STXBP3: variants seen among roughly 807,000 people sequenced by gnomAD.
STXBP3 encodes the protein syntaxin binding protein 3, also known as syntaxin-binding protein 3.
Under a neutral mutation model 85.7 loss-of-function variants are expected in STXBP3, and 41 were observed. The ratio of observed to expected loss-of-function variants is 0.48; its 90% confidence interval spans 0.37 to 0.62. The LOEUF is 0.62. STXBP3 is among the 20% of genes least tolerant of loss of function. The probability of loss-of-function intolerance (pLI) is 0.00; values close to 1 mark genes in which losing one functional copy is unlikely to be tolerated. For synonymous variants in STXBP3, 229 were observed against 231.7 expected (o/e 0.99, Z 0.10); for missense variants, 563 against 703.1 (o/e 0.80, Z 2.25).
chr1:108,794,146 T>C (rs1149161), intron 12 of STXBP3, among the ~76,000 whole-genome samples: 1 of 152,050 alleles, frequency 6.6e-6, no homozygotes, highest in African/African-American at 2.4e-5. Flanking sequence ...GAAAGATAAA[T>C]AGAATATGAA....
chr1:108,797,729 A>ATG (rs1199733326), intron 15 of STXBP3, among the ~76,000 whole-genome samples: 6 of 145,960 alleles, frequency 4.1e-5, no homozygotes, highest in Admixed American at 6.9e-5. Flanking sequence ...TTTTGTGTGT[A>ATG]TGTGTGTGTG....
At chr1:108,775,154 A>G (rs755827195) in intron 7 of STXBP3, among the ~76,000 whole-genome samples, 9 of 152,100 alleles carry the variant, frequency 5.9e-5, no homozygotes, top group Non-Finnish European at 2.9e-5. Context: ...TATAGATGTT[A>G]CATTATTTAT....
rs1185783006 is a variant in STXBP3 at position 108,808,816 on chromosome 1, T to C, written c.1718T>C (p.Leu573Ser). Reference sequence around the variant, plus strand: ...CATGTTTTAACACCCAAAAAGCTGTTGGATGATATAAAGATGCTGAATAAA... The same window carrying C: ...CATGTTTTAACACCCAAAAAGCTGTCGGATGATATAAAGATGCTGAATAAA... ...STHVLTPKKL[L>S]DDIKMLNKPK... Residue 573 changes from leucine (L) to serine (S), a missense_variant, in exon 19 of 19, where the codon TTG (leucine) becomes TCG (serine). Leu to Ser is a moderately radical substitution (Grantham distance 145, BLOSUM62 -2). This residue lies in a region of STXBP3 where 494 missense variants were observed against 592.8 expected (regional missense o/e 0.83). Transcript: ENST00000370008. The C allele has an allele frequency of 1.2e-5, 20 of 1,613,224 alleles. No homozygotes were observed. Among genetic ancestry groups the C allele is most frequent in the Non-Finnish European group, 1.7e-5 (20 of 1,179,708 alleles).
rs57603184 is a variant in STXBP3, at chr1:108,757,584, A to AAT, written c.258+829_258+830dup. ...CTAGCAAATTGGCAGAGGGATTTAA[A>AAT]ATATATATATATGGGTATGTATGTG... On this transcript the variant is annotated intron_variant, in intron 4 of 18. Coordinates refer to ENST00000370008, the MANE Select transcript of STXBP3 (RefSeq NM_007269.4). Among the ~76,000 whole-genome samples the AAT allele has an allele frequency of 2.9e-3, 441 of 151,896 alleles. 3 individuals are homozygous for AAT. The highest frequency in any genetic ancestry group is 9.6e-3 in the African/African-American group (397 of 41,496).
intron 11 of STXBP3, 115 bp from the exon 12 acceptor site, chr1:108,793,467 A>C (rs546722768): frequency 1.1e-6 from 1 of 906,440 alleles, no homozygotes; most frequent in South Asian, 1.8e-5. Flanking sequence ...AAAAATTGTC[A>C]AATATTCAGT....
At chr1:108,808,706 A>G in intron 18 of STXBP3, 77 bp from the exon 19 acceptor site, 1 of 1,137,862 alleles carries the variant, frequency 8.8e-7, no homozygotes, top group South Asian at 1.3e-5. Context: ...ACATATTTGA[A>G]GGACAACACA....
In STXBP3 at chr1:108,807,387, A is replaced by G; in HGVS notation, c.1536-14A>G. 1.3e-6 allele frequency: 2 copies of G among 1,570,864 alleles called. No homozygotes were observed. The highest frequency in any genetic ancestry group is 8.6e-7 in the Non-Finnish European group (1 of 1,163,506). On this transcript the variant is annotated splice_polypyrimidine_tract_variant and intron_variant, in intron 17 of 18. Coordinates refer to ENST00000370008, the MANE Select transcript of STXBP3 (RefSeq NM_007269.4). The stretch of plus-strand genomic sequence containing the variant: ...ATAACATGTTTACTTTTTTTTTTTT[A>G]AATTACTTTTTAGTGCTCGCCAGAA...
chr1:108,749,240 T>C (rs763165025), intron 1 of STXBP3, among the ~76,000 whole-genome samples: 1 of 152,070 alleles, frequency 6.6e-6, no homozygotes, highest in Non-Finnish European at 1.5e-5. Context: ...ACAAAGACAA[T>C]GACTAAGAAA....
At chr1:108,807,317 G>A in intron 17 of STXBP3, 84 bp from the exon 18 acceptor site, 1 of 1,380,104 alleles carries the variant, frequency 7.2e-7, no homozygotes, top group Non-Finnish European at 9.7e-7. Context: ...GTTTGGTTGA[G>A]TTAGGCTTTT....
intron 6 of STXBP3, among the ~76,000 whole-genome samples, chr1:108,770,444 C>G (rs1054768230): frequency 1.7e-4 from 26 of 152,070 alleles, no homozygotes; most frequent in Non-Finnish European, 3.2e-4. Context: ...TATGAGGAAG[C>G]CACAGTTCAA....
chr1:108,763,251 A>G (rs1332646312), intron 6 of STXBP3, among the ~76,000 whole-genome samples: 2 of 152,220 alleles, frequency 1.3e-5, no homozygotes, highest in Non-Finnish European at 2.9e-5. Flanking sequence ...TTCAATATTT[A>G]AAAGAAAAAC....
rs542154048 is a variant in STXBP3 at position 108,809,249 on chromosome 1, T to C, written c.*372T>C. On this transcript the variant is annotated 3_prime_UTR_variant, in exon 19 of 19. Transcript: ENST00000370008. ...AAGTATAGTTTTTGGGAAAGAATGATTTTAAATAAAGAGATTGTAAAAGTA... is the reference window on the plus strand; with the variant it reads ...AAGTATAGTTTTTGGGAAAGAATGACTTTAAATAAAGAGATTGTAAAAGTA... The C allele has an allele frequency of 6.4e-6, 1 of 156,810 alleles. No individual in the cohort carries two copies. The highest frequency in any genetic ancestry group is 1.9e-4 in the East Asian group (1 of 5,270). 9.7% of individuals were successfully genotyped at this position (156,810 alleles called of 1,614,324 possible). A position where few individuals can be genotyped will look rare whatever the true frequency, so the allele number is the denominator to read the frequency against.
At chr1:108,790,839 T>C (rs959784873) in intron 11 of STXBP3, among the ~76,000 whole-genome samples, 6 of 152,142 alleles carry the variant, frequency 3.9e-5, no homozygotes, top group African/African-American at 9.7e-5. Flanking sequence ...TTATCCCCTT[T>C]CTCTTTTGTG....
intron 9 of STXBP3, 100 bp downstream of exon 9, chr1:108,779,510 T>TTC: frequency 8.9e-6 from 11 of 1,241,920 alleles, no homozygotes; most frequent in Non-Finnish European, 1.1e-5. Flanking sequence ...AAAGCCCCTA[T>TTC]AACCTTTTCT....
At chr1:108,755,393 AC>A (rs1661997971) in intron 3 of STXBP3, among the ~76,000 whole-genome samples, 1 of 152,004 alleles carries the variant, frequency 6.6e-6, no homozygotes, top group African/African-American at 2.4e-5. Flanking sequence ...GCTGCAGTAA[AC>A]CCTGATTGTG....
At chr1:108,749,639 C>T (rs1015233934) in intron 1 of STXBP3, among the ~76,000 whole-genome samples, 2 of 152,198 alleles carry the variant, frequency 1.3e-5, no homozygotes, top group African/African-American at 4.8e-5. Flanking sequence ...TCCTTTGACT[C>T]CTCTCTAAAC....
rs376399706 is a variant in STXBP3 at position 108,772,715 on chromosome 1, C to T, written c.489C>T (p.Asp163=). 3.1e-6 allele frequency: 5 copies of T among 1,602,604 alleles called. No individual in the cohort carries two copies. The highest frequency in any genetic ancestry group is 2.3e-5 in the East Asian group (1 of 43,880). ...PDAFYYCYSP[D]PGNAKGKDAI... is the part of the protein sequence containing the mutation. ...CATTCTATTACTGTTATAGTCCAGA[C>T]CCTGGTAATGCAAAGGGAAAAGATG... The change falls in exon 7 of 19, where the codon GAC becomes GAT. Residue 163 remains aspartate, a synonymous_variant. Transcript: ENST00000370008.
intron 8 of STXBP3, among the ~76,000 whole-genome samples, chr1:108,777,423 C>T (rs1340741200): frequency 2.6e-5 from 4 of 152,028 alleles, no homozygotes; most frequent in Non-Finnish European, 4.4e-5. Context: ...CACAATTAAA[C>T]AGTGTGGCTG....
chr1:108,787,690 A>G (rs1191656095), intron 11 of STXBP3, among the ~76,000 whole-genome samples: 1 of 152,058 alleles, frequency 6.6e-6, no homozygotes, highest in African/African-American at 2.4e-5. Flanking sequence ...ATTAAGTATT[A>G]TGTTAGTTTT....
Sources: allele counts gnomAD v4.1 joint callset (sites outside exome capture counted in the v4.1 genomes callset), GRCh38; gene constraint gnomAD v4.1.1; regional missense constraint gnomAD v4.1.1; transcripts MANE v1.5; gene names NCBI Gene and HGNC (gene_info 2026-07-23, HGNC 2026-07-21).